KAZN: variants seen among roughly 807,000 people sequenced by gnomAD.
KAZN encodes kazrin, periplakin interacting protein.
In KAZN, 40 loss-of-function variants were observed where a neutral mutation model predicts 87.4. The ratio of observed to expected loss-of-function variants is 0.46; its 90% CI spans 0.36 to 0.60. The LOEUF is 0.60. Ranked by LOEUF, KAZN falls within the 20% of genes least tolerant of loss-of-function variation. KAZN has a pLI of 0.00. For missense variants in KAZN, 898 were observed against 1,073.9 expected (o/e 0.84, Z 2.29); for synonymous variants, 466 against 458.3 (o/e 1.02, Z -0.22).
intron 1 of KAZN, among the ~76,000 whole-genome samples, chr1:14,676,953 A>G (rs368055789): frequency 3.5e-4 from 54 of 152,350 alleles, no homozygotes; most frequent in African/African-American, 1.3e-3. Flanking sequence ...TTTAGGGTAT[A>G]AGTATTATAT....
chr1:14,267,182 A>C (rs1651547537), intron 2 of KAZN, among the ~76,000 whole-genome samples: 1 of 151,924 alleles, frequency 6.6e-6, no homozygotes, highest in African/African-American at 2.4e-5. Flanking sequence ...AAAATAATAC[A>C]AATTTTAAAA....
At chr1:13,895,148 G>C (rs1638988199) in intron 1 of KAZN, among the ~76,000 whole-genome samples, 1 of 152,172 alleles carries the variant, frequency 6.6e-6, no homozygotes, top group African/African-American at 2.4e-5. Context: ...AGCTGCCTTT[G>C]GTAGTAGACA....
intron 1 of KAZN, among the ~76,000 whole-genome samples, chr1:14,797,918 C>T (rs61772283): frequency 0.069 from 10,543 of 152,204 alleles, 482 homozygotes; most frequent in African/African-American, 0.12. Context: ...ATCAAAAACA[C>T]GATGCCCACG....
At position 14,949,730 on chromosome 1, in the gene KAZN, C is replaced by G. The variant is rs979292701; in HGVS notation, c.227-10954C>G. ...ATTCCTTGACTTCCCCAGGACATCCCTGCTTCTGAGCCTGTGACTGTCACC... is the reference window on the plus strand; with the variant it reads ...ATTCCTTGACTTCCCCAGGACATCCGTGCTTCTGAGCCTGTGACTGTCACC... On this transcript the variant is annotated intron_variant, in intron 1 of 14. Coordinates refer to ENST00000376030, the MANE Select transcript of KAZN (RefSeq NM_201628.3). The surrounding 1 kb of genome is among the most constrained non-coding windows in gnomAD (Gnocchi z 4.3). 7.9e-5 allele frequency among the ~76,000 whole-genome samples: 12 copies of G among 152,188 alleles called. No homozygotes were observed. The highest frequency in any genetic ancestry group is 1.5e-4 in the Non-Finnish European group (10 of 68,036).
At chr1:14,303,479 C>T (rs1376945080) in intron 2 of KAZN, among the ~76,000 whole-genome samples, 3 of 152,284 alleles carry the variant, frequency 2.0e-5, no homozygotes, top group East Asian at 1.9e-4. Context: ...CTCCTGACCT[C>T]GGATCTGCCC....
At chr1:14,040,726 C>T (rs1641796850) in intron 1 of KAZN, among the ~76,000 whole-genome samples, 1 of 151,486 alleles carries the variant, frequency 6.6e-6, no homozygotes, top group Non-Finnish European at 1.5e-5. Context: ...GATCGCACCA[C>T]TGCACTCTAG....
intron 1 of KAZN, among the ~76,000 whole-genome samples, chr1:14,066,358 C>T (rs1283931599): frequency 1.3e-5 from 2 of 152,048 alleles, no homozygotes; most frequent in African/African-American, 2.4e-5. Context: ...CCGGATCGAA[C>T]GGTAGATCTA....
At chr1:14,770,372 CGGAT>C (rs1480438824) in intron 1 of KAZN, among the ~76,000 whole-genome samples, 3 of 152,092 alleles carry the variant, frequency 2.0e-5, no homozygotes, top group Admixed American at 2.0e-4. Context: ...TGATAGAGAA[CGGAT>C]AATGCCAGGG....
intron 2 of KAZN, among the ~76,000 whole-genome samples, chr1:14,561,517 A>G (rs1674250732): frequency 1.3e-5 from 2 of 152,156 alleles, no homozygotes; most frequent in African/African-American, 4.8e-5. Flanking sequence ...GTGACCAGAA[A>G]TGCAGATCAG....
intron 2 of KAZN, among the ~76,000 whole-genome samples, chr1:15,015,693 G>C (rs997766697): frequency 1.3e-5 from 2 of 152,076 alleles, no homozygotes; most frequent in Non-Finnish European, 2.9e-5. Flanking sequence ...CCCCTTTCTG[G>C]GTCTGCTCCA....
At chr1:14,931,384 G>A (rs1019593079) in intron 1 of KAZN, among the ~76,000 whole-genome samples, 10 of 152,284 alleles carry the variant, frequency 6.6e-5, no homozygotes, top group African/African-American at 2.2e-4. Flanking sequence ...AAGAGGCAGA[G>A]GTTATAGTGA....
intron 2 of KAZN, among the ~76,000 whole-genome samples, chr1:14,326,395 C>T (rs1332321776): frequency 6.6e-6 from 1 of 152,200 alleles, no homozygotes; most frequent in East Asian, 1.9e-4. Flanking sequence ...CCAAACTCCT[C>T]ACCACCTTTG....
In KAZN at chr1:14,102,430, C is replaced by T. The variant is rs76728090; in HGVS notation, c.92-78005C>T. On this transcript the variant is annotated intron_variant, in intron 1 of 16. Coordinates refer to the KAZN transcript ENST00000636203. ...GCCATGGTGTCCACCCATGTGACCC[C>T]TCCTGGTTGCATCTGATAGAAAGAA... Among the ~76,000 whole-genome samples the T allele has an allele frequency of 3.6e-3, 553 of 151,952 alleles. 5 individuals carry two copies. Among genetic ancestry groups the T allele is most frequent in the African/African-American group, 0.012 (516 of 41,304 alleles).
chr1:14,249,443 G>A (rs1186248122), intron 2 of KAZN, among the ~76,000 whole-genome samples: 2 of 152,142 alleles, frequency 1.3e-5, no homozygotes, highest in African/African-American at 4.8e-5. Flanking sequence ...TGAATTTATC[G>A]ACCCACAAAA....
intron 2 of KAZN, among the ~76,000 whole-genome samples, chr1:14,376,622 G>C (rs1047271283): frequency 6.6e-6 from 1 of 152,120 alleles, no homozygotes; most frequent in African/African-American, 2.4e-5. Context: ...GTATTATCTT[G>C]TAACAATAAA....
intron 1 of KAZN, among the ~76,000 whole-genome samples, chr1:14,676,414 GGC>G (rs1387023462): frequency 3.3e-5 from 4 of 120,580 alleles, no homozygotes; most frequent in Non-Finnish European, 7.6e-5. Flanking sequence ...TACCTAGGGA[GGC>G]CACTTCACGT....
At chr1:14,178,586 C>A (rs1231717597) in intron 1 of KAZN, among the ~76,000 whole-genome samples, 1 of 152,146 alleles carries the variant, frequency 6.6e-6, no homozygotes, top group Non-Finnish European at 1.5e-5. Context: ...TGTTTTACAA[C>A]CTTGAACAAG....
At chr1:14,692,174 T>A (rs1444583088) in intron 1 of KAZN, 3 of 395,050 alleles carry the variant, frequency 7.6e-6, no homozygotes, top group Non-Finnish European at 1.4e-5. Flanking sequence ...CTTCTTTATA[T>A]TCCTCAGTGT....
At chr1:14,844,440 T>C (rs1405891924) in intron 1 of KAZN, among the ~76,000 whole-genome samples, 5 of 152,202 alleles carry the variant, frequency 3.3e-5, no homozygotes, top group Non-Finnish European at 2.9e-5. Flanking sequence ...CTCCTCATTA[T>C]GAACAGCAAC....
Sources: gnomAD v4.1 joint callset for allele counts (sites outside exome capture counted in the v4.1 genomes callset) on GRCh38, gnomAD v4.1.1 for gene constraint, Gnocchi (gnomAD v3.1) non-coding constraint, MANE v1.5 for transcripts, NCBI Gene and HGNC (gene_info 2026-07-23, HGNC 2026-07-21) for gene names.